ADAMTS9: variants seen among roughly 807,000 people sequenced by gnomAD.
ADAMTS9 encodes the protein A disintegrin and metalloproteinase with thrombospondin motifs 9.
In ADAMTS9, 107 loss-of-function variants were observed where a neutral mutation model predicts 257.1. The observed-to-expected ratio is 0.42, with a 90% confidence interval of 0.36 to 0.49. The LOEUF is 0.49. ADAMTS9 is among the 20% of genes least tolerant of loss of function. The pLI is 0.03. For synonymous variants in ADAMTS9, 982 were observed against 880.9 expected, an observed-to-expected ratio of 1.11 and a Z score of -2.03; for missense variants, 2,353 against 2,469.1, an observed-to-expected ratio of 0.95 and a Z score of 1.00.
At chr3:64,524,422 A>G (rs1288095415) in intron 38 of ADAMTS9, among the ~76,000 whole-genome samples, 1 of 152,214 alleles carries the variant, frequency 6.6e-6, no homozygotes, top group East Asian at 1.9e-4. Context: ...GGCAATATCA[A>G]TGCATGTAGA....
chr3:64,608,644 A>G (rs2084608842), intron 22 of ADAMTS9, among the ~76,000 whole-genome samples: 1 of 152,160 alleles, frequency 6.6e-6, no homozygotes, highest in Non-Finnish European at 1.5e-5. Context: ...TGAATCATTA[A>G]TCAAAGTCTT....
Position 64,654,375 on chromosome 3 carries a change from T to C in ADAMTS9, c.1294A>G (p.Ile432Val). Residue 432 changes from isoleucine (I) to valine (V), a missense_variant, in exon 8 of 40, where the codon ATC becomes GTC. Ile to Val is a conservative substitution (Grantham distance 29). Around this residue, in one of 3 missense-constraint regions of ADAMTS9, gnomAD observed 591 missense variants for 569.6 expected, o/e 1.04. Coordinates refer to ENST00000498707, the MANE Select transcript of ADAMTS9 (RefSeq NM_182920.2). The stretch of plus-strand genomic sequence containing the variant: ...CACACATGGCCCAGCTCATGGGCGA[T>C]CGTAAAAGCTGTACTCAATCCACTA... ...EDSGLSTAFT[I>V]AHELGHVFNM... 2 of 1,613,944 alleles carry C rather than the reference T, an allele frequency of 1.2e-6. No homozygotes were observed. The highest frequency in any genetic ancestry group is 1.7e-6 in the Non-Finnish European group (2 of 1,179,922).
Position 64,687,468 on chromosome 3 carries a change from G to A in ADAMTS9, c.115+75C>T, listed in dbSNP as rs1701947699. 3.4e-6 allele frequency: 4 copies of A among 1,180,328 alleles called. No individual in the cohort carries two copies. Among genetic ancestry groups the A allele is most frequent in the Non-Finnish European group, 4.6e-6 (4 of 863,270 alleles). 73.1% of individuals were successfully genotyped at this position (1,180,328 alleles called of 1,614,324 possible). On this transcript the variant is annotated intron_variant, in intron 1 of 39. Transcript: ENST00000498707. This position sits in a 1 kb window ranked among gnomAD's most constrained non-coding sequence, Gnocchi z 4.4. ...AAAGGAGAGAAGCCTCCGCTGCGGG[G>A]TGCCCCTGCCCAGGAGCGAGGACCG...
chr3:64,587,176 C>T (rs2084173026), intron 28 of ADAMTS9: 1 of 152,158 alleles, frequency 6.6e-6, no homozygotes, highest in Admixed American at 6.6e-5. Context: ...TCACTGTCCT[C>T]TGCATTTTCT....
intron 32 of ADAMTS9, 54 bp from the exon 33 acceptor site, chr3:64,542,024 C>T: frequency 1.9e-6 from 3 of 1,609,024 alleles, no homozygotes; most frequent in Non-Finnish European, 2.5e-6. Context: ...GAGGCATAGG[C>T]TTCTGGTGGT....
chr3:64,659,029 C>A (rs987506440), intron 3 of ADAMTS9, among the ~76,000 whole-genome samples: 1 of 152,124 alleles, frequency 6.6e-6, no homozygotes, highest in African/African-American at 2.4e-5. Flanking sequence ...GAAAATCAGG[C>A]CCGAGCTTAA....
intron 3 of ADAMTS9, among the ~76,000 whole-genome samples, chr3:64,661,012 G>T (rs1011869593): frequency 2.0e-5 from 3 of 152,180 alleles, no homozygotes; most frequent in African/African-American, 7.2e-5. Context: ...TGGAAGACAG[G>T]AACAGAAACT....
At chr3:64,605,749 G>A (rs2084546239) in intron 23 of ADAMTS9, among the ~76,000 whole-genome samples, 1 of 152,130 alleles carries the variant, frequency 6.6e-6, no homozygotes, top group Non-Finnish European at 1.5e-5. Flanking sequence ...AAAGATGTGT[G>A]TGTGTTTATA....
At chr3:64,634,396 T>C (rs1226390197) in intron 12 of ADAMTS9, among the ~76,000 whole-genome samples, 3 of 152,200 alleles carry the variant, frequency 2.0e-5, no homozygotes, top group African/African-American at 7.2e-5. Flanking sequence ...ACTCCCTCTC[T>C]CCAGACAACC....
In ADAMTS9 at chr3:64,606,376, A is replaced by G. The variant is rs114017273; in HGVS notation, c.3474+584T>C. Among the ~76,000 whole-genome samples, 300 of 152,334 alleles carry G rather than the reference A, an allele frequency of 2.0e-3. 3 individuals are homozygous for G. The highest frequency in any genetic ancestry group is 7.0e-3 in the African/African-American group (293 of 41,572). On this transcript the variant is annotated intron_variant, in intron 23 of 39. Coordinates refer to ENST00000498707, the MANE Select transcript of ADAMTS9 (RefSeq NM_182920.2). ...TTTTCAAGCTATGAACTTGATGTCA[A>G]TGAACACAGAGCTGGGGAGAGATAG...
chr3:64,521,560 C>A (rs1400031081), intron 39 of ADAMTS9: 1 of 152,154 alleles, frequency 6.6e-6, no homozygotes, highest in African/African-American at 2.4e-5. Context: ...TAATGGTGGA[C>A]TGGATTTTAA....
chr3:64,673,913 C>T (rs1460019464), intron 3 of ADAMTS9, among the ~76,000 whole-genome samples: 1 of 151,762 alleles, frequency 6.6e-6, no homozygotes, highest in Non-Finnish European at 1.5e-5. Flanking sequence ...TTGTCTCTAG[C>T]TTTATGTATG....
intron 37 of ADAMTS9, 47 bp from the exon 38 acceptor site, chr3:64,533,317 C>A: frequency 6.6e-7 from 1 of 1,515,040 alleles, no homozygotes; most frequent in Non-Finnish European, 9.2e-7. Context: ...ATGTGATGTC[C>A]TCAAAAAAGC....
At chr3:64,602,314 T>C in intron 25 of ADAMTS9, 101 bp from the exon 26 acceptor site, 4 of 1,409,130 alleles carry the variant, frequency 2.8e-6, no homozygotes, top group East Asian at 2.3e-5. Context: ...CTTTCCCAAA[T>C]TGCTCAGGCC....
At chr3:64,560,177 T>C (rs2083396760) in intron 30 of ADAMTS9, among the ~76,000 whole-genome samples, 1 of 152,256 alleles carries the variant, frequency 6.6e-6, no homozygotes, top group African/African-American at 2.4e-5. Context: ...TTGGCTAATG[T>C]GTGGCAGTGC....
At chr3:64,653,274 G>A (rs116920540) in intron 8 of ADAMTS9, among the ~76,000 whole-genome samples, 1 of 152,200 alleles carries the variant, frequency 6.6e-6, no homozygotes, top group Non-Finnish European at 1.5e-5. Context: ...AAGTGCCTCA[G>A]AAACCACGAG....
At chr3:64,522,419 A>G in intron 38 of ADAMTS9, 159 bp from the exon 39 acceptor site, 1 of 536,620 alleles carries the variant, frequency 1.9e-6, no homozygotes. Flanking sequence ...GGGGCTGGCA[A>G]ACTTCAGCCT....
Position 64,541,248 on chromosome 3 carries a change from T to C in ADAMTS9, c.5388-20A>G, listed in dbSNP as rs769616933. 13 of 1,614,034 alleles carry C rather than the reference T, an allele frequency of 8.1e-6. No individual in the cohort carries two copies. Among genetic ancestry groups the C allele is most frequent in the Non-Finnish European group, 1.1e-5 (13 of 1,180,002 alleles). ...TGTAACCTAAATTATACAGAGAATGTTCTGGTAAGGATGGGAAAGCATTTC... is the reference window on the plus strand; with the variant it reads ...TGTAACCTAAATTATACAGAGAATGCTCTGGTAAGGATGGGAAAGCATTTC... On this transcript the variant is annotated intron_variant, in intron 35 of 39. Coordinates refer to ENST00000498707, the MANE Select transcript of ADAMTS9 (RefSeq NM_182920.2).
chr3:64,679,701 G>C (rs2107043638), intron 3 of ADAMTS9, among the ~76,000 whole-genome samples: 1 of 152,224 alleles, frequency 6.6e-6, no homozygotes, highest in East Asian at 1.9e-4. Context: ...TTTCATTTCT[G>C]TATGTTATGT....
Sources: allele counts gnomAD v4.1 joint callset (sites outside exome capture counted in the v4.1 genomes callset), GRCh38; gene constraint gnomAD v4.1.1; regional missense constraint gnomAD v4.1.1; non-coding constraint Gnocchi (gnomAD v3.1); transcripts MANE v1.5; gene names NCBI Gene and HGNC (gene_info 2026-07-23, HGNC 2026-07-21).